CSN2: variants seen among roughly 807,000 people sequenced by gnomAD.
CSN2 encodes the protein casein beta, also known as beta-casein.
Under a neutral mutation model 27.3 loss-of-function variants are expected in CSN2, and 27 were observed. The observed-to-expected ratio is 0.99, with a 90% CI of 0.73 to 1.36. The LOEUF (loss-of-function observed/expected upper bound fraction) is 1.36, where lower values mean the gene tolerates loss of function less well. Ranked by LOEUF, CSN2 falls within the 40% of genes most tolerant of loss-of-function variation. CSN2 has a pLI of 0.00. For missense variants in CSN2, 333 were observed against 264.5 expected, an observed-to-expected ratio of 1.26 and a Z score of -1.80; for synonymous variants, 131 against 94.8, an observed-to-expected ratio of 1.38 and a Z score of -2.22.
In CSN2 at chr4:69,965,695, T is replaced by G. The variant is rs1723786382; in HGVS notation, c.-27A>C. Among the ~76,000 whole-genome samples the G allele has an allele frequency of 6.6e-6, 1 of 151,872 alleles. No individual in the cohort carries two copies. The highest frequency in any genetic ancestry group is 2.4e-5 in the African/African-American group (1 of 41,386). On this transcript the variant is annotated 5_prime_UTR_variant, in exon 1 of 8. Coordinates refer to ENST00000353151, the MANE Select transcript of CSN2 (RefSeq NM_001891.4). Reference sequence around the variant, plus strand: ...AAAATTCTTACCGTTTTTCCAAGATTGAAGAGAAGTGAAGGTAGTGCTGGA... The same window carrying G: ...AAAATTCTTACCGTTTTTCCAAGATGGAAGAGAAGTGAAGGTAGTGCTGGA...
At position 69,960,971 on chromosome 4, in the gene CSN2, G is replaced by A; in HGVS notation, c.25C>T (p.Leu9=). The change falls in exon 2 of 8, where the codon CTG becomes TTG. Residue 9 remains leucine (L), a synonymous_variant. Coordinates refer to ENST00000353151, the MANE Select transcript of CSN2 (RefSeq NM_001891.4). ...TCCCTTGCAAGAGCAAGAGCCACCA[G>A]GCAGGCGAGGATGAGGACCTTCATG... The part of the protein sequence containing the change: MKVLILAC[L]VALALARETI... 6.2e-7 allele frequency: 1 copy of A among 1,612,970 alleles called. No individual in the cohort carries two copies. Among genetic ancestry groups the A allele is most frequent in the Non-Finnish European group, 8.5e-7 (1 of 1,179,318 alleles).
chr4:69,957,620 G>T lies in CSN2; in HGVS notation c.329C>A (p.Thr110Asn). Residue 110 changes from threonine (T) to asparagine (N), a missense_variant, in exon 6 of 8, where the codon ACT (threonine) becomes AAT (asparagine). Transcript: ENST00000353151. ...AAGGACAGGCATCACTCTGCCCTTAGTGTAGACAGTGTCTTTAGCTTTAGG... is the reference window on the plus strand; with the variant it reads ...AAGGACAGGCATCACTCTGCCCTTATTGTAGACAGTGTCTTTAGCTTTAGG... ...EVPKAKDTVY[T>N]KGRVMPVLKS... 6.2e-7 allele frequency: 1 copy of T among 1,613,970 alleles called. No homozygotes were observed. Among genetic ancestry groups the T allele is most frequent in the Non-Finnish European group, 8.5e-7 (1 of 1,179,986 alleles).
intron 2 of CSN2, 83 bp from the exon 3 acceptor site, chr4:69,960,162 C>T: frequency 3.8e-6 from 5 of 1,315,292 alleles, no homozygotes; most frequent in Non-Finnish European, 4.3e-6. Context: ...TAAATTTTCT[C>T]TAAAAAAATA....
intron 6 of CSN2, 100 bp downstream of exon 6, chr4:69,957,173 TA>T: frequency 8.2e-7 from 1 of 1,219,812 alleles, no homozygotes. Context: ...ATCACTTATC[TA>T]AACTGTTTTT....
intron 3 of CSN2, 130 bp from the exon 4 acceptor site, chr4:69,959,199 T>C: frequency 1.4e-6 from 1 of 737,418 alleles, no homozygotes. Flanking sequence ...TAAACTTATG[T>C]ATTAAACTGT....
chr4:69,963,175 T>C (rs1723664639), intron 1 of CSN2, among the ~76,000 whole-genome samples: 1 of 152,224 alleles, frequency 6.6e-6, no homozygotes, highest in Non-Finnish European at 1.5e-5. Context: ...GAAGTCAGTG[T>C]GGCGATTCCT....
At chr4:69,963,579 G>GA (rs1723682281) in intron 1 of CSN2, among the ~76,000 whole-genome samples, 1 of 151,750 alleles carries the variant, frequency 6.6e-6, no homozygotes, top group Admixed American at 6.6e-5. Context: ...ACACACCGGG[G>GA]CTGTTGTGGG....
intron 5 of CSN2, 75 bp from the exon 6 acceptor site, chr4:69,957,879 CT>C: frequency 1.6e-6 from 2 of 1,268,772 alleles, no homozygotes; most frequent in Middle Eastern, 2.0e-4. Context: ...TCATTTCTCT[CT>C]TTTAGACAAT....
rs1301037582 is a variant in CSN2 at position 69,960,063 on chromosome 4, G to A, written c.68C>T (p.Ser23Leu). 6.2e-7 allele frequency: 1 copy of A among 1,611,436 alleles called. No homozygotes were observed. Among genetic ancestry groups the A allele is most frequent in the Non-Finnish European group, 8.5e-7 (1 of 1,178,512 alleles). The change falls in exon 3 of 8, where the codon TCA becomes TTA. Residue 23 changes from serine to leucine, a missense_variant. Coordinates refer to ENST00000353151, the MANE Select transcript of CSN2 (RefSeq NM_001891.4). Reference sequence around the variant, plus strand: ...AGAATGTTAACTTACCTCACTGCTTGAAAGGCTTTCTATGGTCTGTGGGAA... The same window carrying A: ...AGAATGTTAACTTACCTCACTGCTTAAAAGGCTTTCTATGGTCTGTGGGAA... Reference protein sequence around the residue: ...ALARETIESLSSSEESITEYK... With the variant: ...ALARETIESLLSSEESITEYK...
chr4:69,963,171 A>C (rs1723664493), intron 1 of CSN2, among the ~76,000 whole-genome samples: 1 of 152,194 alleles, frequency 6.6e-6, no homozygotes, highest in Non-Finnish European at 1.5e-5. Flanking sequence ...TGTGGAAGTC[A>C]GTGTGGCGAT....
intron 1 of CSN2, among the ~76,000 whole-genome samples, chr4:69,963,682 C>G (rs1170627263): frequency 2.0e-5 from 3 of 152,080 alleles, no homozygotes; most frequent in Non-Finnish European, 4.4e-5. Context: ...CACATGTATA[C>G]ATATGTAACA....
Position 69,961,106 on chromosome 4 carries a change from A to G in CSN2, c.-12-99T>C, listed in dbSNP as rs1028053998. ...TTTTTATAAAACAAAAAAAAAAGAG[A>G]GATAATATATAACAAAAATATCTGC... On this transcript the variant is annotated intron_variant, in intron 1 of 7. Coordinates refer to ENST00000353151, the MANE Select transcript of CSN2 (RefSeq NM_001891.4). 14 of 690,748 alleles carry G rather than the reference A, an allele frequency of 2.0e-5. No homozygotes were observed. In the Admixed American group the frequency reaches 2.1e-4, roughly 10 times the overall value. 42.8% of individuals were successfully genotyped at this position (690,748 alleles called of 1,614,324 possible).
At chr4:69,959,594 C>T (rs956894886) in intron 3 of CSN2, among the ~76,000 whole-genome samples, 4 of 151,998 alleles carry the variant, frequency 2.6e-5, no homozygotes, top group African/African-American at 7.2e-5. Context: ...CACTAAATCT[C>T]GCTTATTTAC....
intron 3 of CSN2, among the ~76,000 whole-genome samples, chr4:69,959,839 A>G (rs1723514455): frequency 6.6e-6 from 1 of 152,022 alleles, no homozygotes; most frequent in Non-Finnish European, 1.5e-5. Flanking sequence ...AAAAGAAGCA[A>G]AATAACACAA....
intron 1 of CSN2, among the ~76,000 whole-genome samples, chr4:69,961,502 T>C (rs1034558431): frequency 6.6e-6 from 1 of 152,174 alleles, no homozygotes; most frequent in Non-Finnish European, 1.5e-5. Context: ...TCTCAATAGA[T>C]GCAGAAAAGG....
intron 1 of CSN2, among the ~76,000 whole-genome samples, chr4:69,961,382 C>A (rs1723574975): frequency 6.6e-6 from 1 of 152,200 alleles, no homozygotes; most frequent in East Asian, 1.9e-4. Context: ...AGCTTATCCA[C>A]CATGATCAAG....
At position 69,959,901 on chromosome 4, in the gene CSN2, T is replaced by C; in HGVS notation, c.78+152A>G. On this transcript the variant is annotated intron_variant, in intron 3 of 7. Coordinates refer to ENST00000353151, the MANE Select transcript of CSN2 (RefSeq NM_001891.4). Reference sequence around the variant, plus strand: ...GTTCTAGAATGTTGTATTATCCAGATACTTATTGTCCTTAAACACACATAA... The same window carrying C: ...GTTCTAGAATGTTGTATTATCCAGACACTTATTGTCCTTAAACACACATAA... 8.5e-6 allele frequency: 5 copies of C among 587,468 alleles called. No individual in the cohort carries two copies. The South Asian group carries it at 1.3e-4, about 16-fold the overall frequency. The allele number at this position is 587,468 out of a possible 1,614,324, so 36.4% of individuals were successfully genotyped here. A position where few individuals can be genotyped will look rare whatever the true frequency, so the allele number is the denominator to read the frequency against.
chr4:69,956,541 G>A (rs1396372075), intron 6 of CSN2, among the ~76,000 whole-genome samples, 186 bp from the exon 7 acceptor site: 1 of 151,706 alleles, frequency 6.6e-6, no homozygotes, highest in African/African-American at 2.4e-5. Flanking sequence ...TAACCTCTTA[G>A]TAAGAAAACT....
Position 69,957,459 on chromosome 4 carries a change from G to T in CSN2, c.490C>A (p.Pro164Thr), listed in dbSNP as rs1282678247. ...PQPIPQTLAL[P>T]PQPLWSVPQP... ...GGAACAGACCACAGGGGCTGAGGGGGAAGTGCAAGAGTCTGAGGAATAGGC... is the reference window on the plus strand; with the variant it reads ...GGAACAGACCACAGGGGCTGAGGGGTAAGTGCAAGAGTCTGAGGAATAGGC... The change falls in exon 6 of 8, where the codon CCC becomes ACC. Residue 164 changes from proline (P) to threonine (T), a missense_variant. Pro to Thr is a conservative substitution (Grantham distance 38). Transcript: ENST00000353151. 6.2e-7 allele frequency: 1 copy of T among 1,613,796 alleles called. No individual in the cohort carries two copies. The highest frequency in any genetic ancestry group is 1.7e-4 in the Middle Eastern group (1 of 6,056).
Sources: allele counts gnomAD v4.1 joint callset (sites outside exome capture counted in the v4.1 genomes callset), GRCh38; gene constraint gnomAD v4.1.1; transcripts MANE v1.5; gene names NCBI Gene and HGNC (gene_info 2026-07-23, HGNC 2026-07-21).